CNGA1: variants seen among roughly 807,000 people sequenced by gnomAD.
CNGA1 encodes cyclic nucleotide-gated channel alpha-1.
A neutral mutation model predicts 69.7 loss-of-function variants in CNGA1; 53 were observed. The observed-to-expected ratio is 0.76, with a 90% CI of 0.61 to 0.96. The LOEUF (loss-of-function observed/expected upper bound fraction) is 0.96, where lower values mean the gene tolerates loss of function less well. Ranked by LOEUF, CNGA1 falls within the 40% of genes least tolerant of loss-of-function variation. The pLI, the probability that CNGA1 is intolerant of heterozygous loss-of-function variation, is 0.00. For missense variants in CNGA1, 739 were observed against 811.2 expected (o/e 0.91, Z 1.08); for synonymous variants, 249 against 283.5 (o/e 0.88, Z 1.22).
intron 2 of CNGA1, among the ~76,000 whole-genome samples, chr4:47,982,052 A>C (rs1025899963): frequency 2.6e-5 from 4 of 152,176 alleles, no homozygotes; most frequent in Admixed American, 2.0e-4. Flanking sequence ...CTGAAAGAAA[A>C]ATTCATGCTT....
In CNGA1 at chr4:47,935,981, A is replaced by G. The variant is rs1450800096; in HGVS notation, c.*440T>C. The G allele has an allele frequency of 2.2e-5, 4 of 182,938 alleles. No homozygotes were observed. The East Asian group carries it at 5.9e-4, about 27-fold the overall frequency. The allele number at this position is 182,938 out of a possible 1,614,324, so 11.3% of individuals were successfully genotyped here. ...AATAACTCATTTTCACTACAGTTGC[A>G]TAATTAATTTTACTTTATTGCAGTC... is the stretch of plus-strand genomic sequence containing the variant. On this transcript the variant is annotated 3_prime_UTR_variant, in exon 11 of 11. Transcript: ENST00000514170.
chr4:47,938,397 A>ATTTTTTT (rs10647718), intron 10 of CNGA1, among the ~76,000 whole-genome samples: 1 of 142,710 alleles, frequency 7.0e-6, no homozygotes, highest in African/African-American at 2.6e-5. Flanking sequence ...TACTAAGTGC[A>ATTTTTTT]TTTTTTTTTT....
intron 2 of CNGA1, among the ~76,000 whole-genome samples, chr4:47,999,683 C>T (rs1395714407): frequency 6.6e-6 from 1 of 152,018 alleles, no homozygotes; most frequent in East Asian, 1.9e-4. Flanking sequence ...CCAGCCTGGC[C>T]AAAATGGTGA....
intron 2 of CNGA1, among the ~76,000 whole-genome samples, chr4:47,987,105 T>TAGAA (rs35563612): frequency 0.29 from 43,702 of 151,814 alleles, 6,911 homozygotes; most frequent in African/African-American, 0.43. Flanking sequence ...CCTTGACTGA[T>TAGAA]AGAACATAGC....
In CNGA1 at chr4:48,016,664, C is replaced by T. The variant is rs970558237; in HGVS notation, c.-404G>A. 33 of 579,776 alleles carry T rather than the reference C, an allele frequency of 5.7e-5. No homozygotes were observed. In the South Asian group the frequency reaches 7.3e-4, roughly 13 times the overall value. The allele number at this position is 579,776 out of a possible 1,614,324, so 35.9% of individuals were successfully genotyped here. Reference sequence around the variant, plus strand: ...AGAATTCGCAACAAGCCCCGGGCAGCAGGGCTCGGCTGGCGCTGAGGCCCC... The same window carrying T: ...AGAATTCGCAACAAGCCCCGGGCAGTAGGGCTCGGCTGGCGCTGAGGCCCC... On this transcript the variant is annotated 5_prime_UTR_variant, in exon 1 of 11. Transcript: ENST00000514170.
chr4:47,999,122 A>C (rs1401751444), intron 2 of CNGA1, among the ~76,000 whole-genome samples: 1 of 152,188 alleles, frequency 6.6e-6, no homozygotes, highest in Non-Finnish European at 1.5e-5. Flanking sequence ...TGAGAGAAAG[A>C]GAGAGAGACC....
At chr4:47,952,994 G>A (rs1318878251) in intron 3 of CNGA1, among the ~76,000 whole-genome samples, 1 of 152,126 alleles carries the variant, frequency 6.6e-6, no homozygotes, top group Admixed American at 6.5e-5. Context: ...CAGATCTCAT[G>A]AGACTTATTC....
At chr4:48,011,094 T>C (rs1246521216) in intron 1 of CNGA1, among the ~76,000 whole-genome samples, 6 of 152,196 alleles carry the variant, frequency 3.9e-5, no homozygotes, top group Non-Finnish European at 5.9e-5. Context: ...CTCCTGTTTT[T>C]GCCTAATTAG....
At chr4:48,011,313 A>G (rs1179337953) in intron 1 of CNGA1, among the ~76,000 whole-genome samples, 2 of 114,596 alleles carry the variant, frequency 1.7e-5, no homozygotes, top group African/African-American at 4.1e-5. Flanking sequence ...AAAAATTACT[A>G]AAAAAAAAAA....
intron 2 of CNGA1, among the ~76,000 whole-genome samples, chr4:48,009,464 C>CAA (rs3033844): frequency 0.11 from 11,229 of 102,038 alleles, 836 homozygotes; most frequent in East Asian, 0.39. Context: ...GAGTCTGTCT[C>CAA]AAAAAAAAAA....
intron 10 of CNGA1, among the ~76,000 whole-genome samples, chr4:47,938,555 G>C (rs1444728695): frequency 1.3e-5 from 2 of 152,070 alleles, no homozygotes; most frequent in African/African-American, 4.8e-5. Context: ...ACCACGCCCA[G>C]CTAATTTTTG....
rs887278490 is a variant in CNGA1 at position 47,988,689 on chromosome 4, T to G, written c.-122-7189A>C. Among the ~76,000 whole-genome samples, 8 of 152,158 alleles carry G rather than the reference T, an allele frequency of 5.3e-5. No homozygotes were observed. In the South Asian group the frequency reaches 6.2e-4, roughly 12 times the overall value. ...ATAATATCATAATTTAGTAAATATA[T>G]ACAAGTGTGTTCTTTTCTGAGACAA... On this transcript the variant is annotated intron_variant, in intron 2 of 10. Transcript: ENST00000514170.
intron 8 of CNGA1, 131 bp from the exon 9 acceptor site, chr4:47,942,279 A>C: frequency 1.4e-6 from 1 of 697,248 alleles, no homozygotes; most frequent in Non-Finnish European, 2.6e-6. Context: ...CTCACTCTGC[A>C]GTGTGAAGAT....
rs200157946 is a variant in CNGA1, at chr4:47,937,290, T to G, written c.1192A>C (p.Asn398His). Residue 398 changes from asparagine to histidine, a missense_variant, in exon 11 of 11, where the codon AAC becomes CAC. Asn to His is a moderately conservative substitution (Grantham distance 68). Coordinates refer to ENST00000514170, the MANE Select transcript of CNGA1 (RefSeq NM_001379270.1). ...IVGNIGSMISNMNAARAEFQA... is the reference protein window; with the variant it reads ...IVGNIGSMISHMNAARAEFQA... ...AATTCTGCTCTGGCTGCATTCATGT[T>G]GGAAATCATAGAACCTATGTTACCA... 1.4e-5 allele frequency: 22 copies of G among 1,613,942 alleles called. No individual in the cohort carries two copies.
Position 47,944,677 on chromosome 4 carries a change from G to A in CNGA1, c.288-1265C>T, listed in dbSNP as rs143618607. Among the ~76,000 whole-genome samples, 356 of 152,324 alleles carry A rather than the reference G, an allele frequency of 2.3e-3. 3 individuals are homozygous for A. The highest frequency in any genetic ancestry group is 8.0e-3 in the African/African-American group (334 of 41,576). ...AAGAGGGCTCAAAGGATGCAAAAGTGATGTGGAATGGGCTGGTGAGAGGGA... is the reference window on the plus strand; with the variant it reads ...AAGAGGGCTCAAAGGATGCAAAAGTAATGTGGAATGGGCTGGTGAGAGGGA... On this transcript the variant is annotated intron_variant, in intron 6 of 10. Transcript: ENST00000514170.
intron 3 of CNGA1, among the ~76,000 whole-genome samples, chr4:47,975,887 AG>A (rs1024658083): frequency 2.0e-5 from 3 of 151,956 alleles, no homozygotes; most frequent in Admixed American, 1.3e-4. Flanking sequence ...TCATTGACTC[AG>A]AAAGTATTCA....
At chr4:48,009,079 C>T (rs1215760337) in intron 2 of CNGA1, among the ~76,000 whole-genome samples, 1 of 152,132 alleles carries the variant, frequency 6.6e-6, no homozygotes, top group Non-Finnish European at 1.5e-5. Flanking sequence ...TATGAAATTG[C>T]TTGATTAATA....
intron 6 of CNGA1, 67 bp from the exon 7 acceptor site, chr4:47,943,479 A>G: frequency 9.8e-7 from 1 of 1,024,794 alleles, no homozygotes; most frequent in Non-Finnish European, 1.4e-6. Flanking sequence ...TTTCTTTTTC[A>G]TTGAGCAAAA....
chr4:47,982,221 A>G (rs1440643989), intron 2 of CNGA1, among the ~76,000 whole-genome samples: 2 of 152,226 alleles, frequency 1.3e-5, no homozygotes, highest in Non-Finnish European at 2.9e-5. Flanking sequence ...GACATGAAAT[A>G]AATACTGTTT....
Sources: gnomAD v4.1 joint callset for allele counts (sites outside exome capture counted in the v4.1 genomes callset) on GRCh38, gnomAD v4.1.1 for gene constraint, MANE v1.5 for transcripts, NCBI Gene and HGNC (gene_info 2026-07-23, HGNC 2026-07-21) for gene names.